C12orf42: variants seen among roughly 807,000 people sequenced by gnomAD.
C12orf42 encodes the protein uncharacterized protein C12orf42.
C12orf42 carries 25 observed loss-of-function variants against 21.6 expected under a neutral mutation model. The ratio of observed to expected loss-of-function variants is 1.16; its 90% CI spans 0.84 to 1.62. C12orf42 has a LOEUF of 1.62. Ranked by LOEUF, C12orf42 falls within the 40% of genes most tolerant of loss-of-function variation. The pLI is 0.00. For synonymous variants in C12orf42, 174 were observed against 175.0 expected (o/e 0.99, Z 0.05); for missense variants, 483 against 459.3 (o/e 1.05, Z -0.47).
At chr12:103,376,074 A>G (rs1171528051) in intron 3 of C12orf42, among the ~76,000 whole-genome samples, 1 of 152,232 alleles carries the variant, frequency 6.6e-6, no homozygotes, top group African/African-American at 2.4e-5. Context: ...ACAAGTGCAC[A>G]TACATTTTTG....
intron 3 of C12orf42, among the ~76,000 whole-genome samples, chr12:103,388,643 C>G: frequency 6.6e-6 from 1 of 151,614 alleles, no homozygotes. Flanking sequence ...AAAGGACATA[C>G]TACCTTTTCT....
chr12:103,277,136 C>A (rs1305453930), intron 5 of C12orf42: 1 of 455,550 alleles, frequency 2.2e-6, no homozygotes, highest in Non-Finnish European at 4.4e-6. Context: ...AAAATCATAC[C>A]AAACGATACT....
chr12:103,322,632 G>A (rs1224507043), intron 4 of C12orf42, among the ~76,000 whole-genome samples: 1 of 152,158 alleles, frequency 6.6e-6, no homozygotes, highest in Non-Finnish European at 1.5e-5. Flanking sequence ...ACTTCAGATA[G>A]ATCTCGGTAA....
rs770990311 is a variant in C12orf42 at position 103,302,387 on chromosome 12, C to T, written c.804G>A (p.Ala268=). The T allele has an allele frequency of 1.2e-6, 2 of 1,613,812 alleles. No individual in the cohort carries two copies. The highest frequency in any genetic ancestry group is 1.7e-5 in the Admixed American group (1 of 60,006). The change falls in exon 6 of 6, where the codon GCG becomes GCA. Residue 268 remains alanine (A), a synonymous_variant. Coordinates refer to ENST00000548883, the MANE Select transcript of C12orf42 (RefSeq NM_198521.5). The stretch of plus-strand genomic sequence containing the variant: ...CGCCTTTTCCGACGGGATTTCCGGA[C>T]GCGCCCAGGAGTCTGCTTTGGATGT... ...PDDIQSRLLG[A]SGNPVGKGAV...
the C12orf42 span, among the ~76,000 whole-genome samples, chr12:103,191,188 G>T: frequency 6.6e-6 from 1 of 151,826 alleles, no homozygotes; most frequent in African/African-American, 2.4e-5. Context: ...AATAAATAAA[G>T]AAAAAAGGTT....
At chr12:103,208,730 T>C in the C12orf42 span, among the ~76,000 whole-genome samples, 1 of 152,192 alleles carries the variant, frequency 6.6e-6, no homozygotes, top group South Asian at 2.1e-4. Flanking sequence ...CCCACTTTAA[T>C]CTTTGAGTAG....
the C12orf42 span, among the ~76,000 whole-genome samples, chr12:103,153,155 C>T: frequency 2.6e-5 from 4 of 152,138 alleles, no homozygotes; most frequent in Admixed American, 1.3e-4. Flanking sequence ...TCTTACTTTA[C>T]ATTGTGTACC....
At chr12:103,144,825 T>C in the C12orf42 span, among the ~76,000 whole-genome samples, 6 of 152,136 alleles carry the variant, frequency 3.9e-5, no homozygotes, top group East Asian at 9.6e-4. Flanking sequence ...AGGGTATAGA[T>C]ACTGCTTGGG....
chr12:103,168,788 A>G, the C12orf42 span, among the ~76,000 whole-genome samples: 1 of 152,320 alleles, frequency 6.6e-6, no homozygotes, highest in South Asian at 2.1e-4. Context: ...AGACTGGATA[A>G]AGAAAATGTG....
chr12:103,222,864 C>A, the C12orf42 span, among the ~76,000 whole-genome samples: 1 of 151,144 alleles, frequency 6.6e-6, no homozygotes, highest in Non-Finnish European at 1.5e-5. Context: ...GTATAAGAAG[C>A]ATTCTAGATC....
rs965166304 is a variant in C12orf42, at chr12:103,284,433, A to T, written n.338-7223T>A. 2.6e-5 allele frequency among the ~76,000 whole-genome samples: 4 copies of T among 152,204 alleles called. No individual in the cohort carries two copies. In the South Asian group the frequency reaches 8.3e-4, roughly 31 times the overall value. On this transcript the variant is annotated intron_variant and non_coding_transcript_variant, in intron 4 of 6. Coordinates refer to the C12orf42 transcript ENST00000546526. Reference sequence around the variant, plus strand: ...TTTGTCACTTGGAGACACAAGGATGAGTGACTGACATTGTCTGCCCACAGG... The same window carrying T: ...TTTGTCACTTGGAGACACAAGGATGTGTGACTGACATTGTCTGCCCACAGG...
intron 4 of C12orf42, among the ~76,000 whole-genome samples, chr12:103,342,887 T>C (rs934708567): frequency 3.3e-5 from 5 of 152,202 alleles, no homozygotes; most frequent in African/African-American, 7.2e-5. Flanking sequence ...CTTGGGCACA[T>C]GCAAGGGTGC....
At chr12:103,356,099 C>A (rs1050262729) in intron 4 of C12orf42, among the ~76,000 whole-genome samples, 2 of 152,048 alleles carry the variant, frequency 1.3e-5, no homozygotes, top group African/African-American at 4.8e-5. Flanking sequence ...CCTGACTGGG[C>A]GCTTCTAACC....
intron 4 of C12orf42, among the ~76,000 whole-genome samples, chr12:103,307,193 T>TAA (rs2038434360): frequency 1.3e-5 from 2 of 152,312 alleles, no homozygotes; most frequent in South Asian, 4.1e-4. Flanking sequence ...AGTAGCTTGC[T>TAA]AAAGGTCACA....
At chr12:103,208,358 C>T in the C12orf42 span, among the ~76,000 whole-genome samples, 5 of 152,136 alleles carry the variant, frequency 3.3e-5, no homozygotes, top group Non-Finnish European at 7.3e-5. Context: ...CCCCACCCAC[C>T]CACACTCTTG....
At chr12:103,217,909 C>T in the C12orf42 span, among the ~76,000 whole-genome samples, 1 of 152,176 alleles carries the variant, frequency 6.6e-6, no homozygotes, top group Non-Finnish European at 1.5e-5. Context: ...ATCTCACTTA[C>T]TGTTGAAATC....
At chr12:103,509,721 G>A in the C12orf42 span, among the ~76,000 whole-genome samples, 1 of 152,142 alleles carries the variant, frequency 6.6e-6, no homozygotes, top group South Asian at 2.1e-4. Context: ...CATGGAAATT[G>A]TTATTACATG....
intron 1 of C12orf42, among the ~76,000 whole-genome samples, chr12:103,482,300 T>A (rs1410548803): frequency 6.6e-6 from 1 of 152,100 alleles, no homozygotes; most frequent in African/African-American, 2.4e-5. Context: ...TCCTTGCACT[T>A]GAATATAGTT....
At chr12:103,455,506 A>G (rs1321345558) in intron 2 of C12orf42, among the ~76,000 whole-genome samples, 2 of 152,112 alleles carry the variant, frequency 1.3e-5, no homozygotes, top group Non-Finnish European at 2.9e-5. Context: ...TCTACCTCAA[A>G]TAAACTCTTA....
Sources: gnomAD v4.1 joint callset for allele counts (sites outside exome capture counted in the v4.1 genomes callset) on GRCh38, gnomAD v4.1.1 for gene constraint, MANE v1.5 for transcripts, NCBI Gene and HGNC (gene_info 2026-07-23, HGNC 2026-07-21) for gene names.